Variants in TAF5L observed in about 807,000 individuals in gnomAD.
The protein encoded by TAF5L is TAF5-like RNA polymerase II p300/CBP-associated factor-associated factor 65 kDa subunit 5L.
Under a neutral mutation model 51.3 loss-of-function variants are expected in TAF5L, and 7 were observed. The observed-to-expected ratio is 0.14, with a 90% CI of 0.08 to 0.26. The LOEUF (loss-of-function observed/expected upper bound fraction) is 0.26. Ranked by LOEUF, TAF5L falls within the 10% of genes least tolerant of loss-of-function variation. TAF5L has a pLI of 1.00. For synonymous variants in TAF5L, 291 were observed against 308.1 expected, an observed-to-expected ratio of 0.94 and a Z score of 0.58; for missense variants, 575 against 758.9, an observed-to-expected ratio of 0.76 and a Z score of 2.85.
At chr1:229,623,404 C>G (rs1292463586) in intron 1 of TAF5L, among the ~76,000 whole-genome samples, 2 of 152,204 alleles carry the variant, frequency 1.3e-5, no homozygotes, top group East Asian at 3.8e-4. Flanking sequence ...TGGACCAATC[C>G]TTGGTTCTTC....
intron 3 of TAF5L, chr1:229,607,980 T>C (rs1468029771): frequency 6.6e-6 from 1 of 152,148 alleles, no homozygotes; most frequent in African/African-American, 2.4e-5. Flanking sequence ...AGTTCAGAAA[T>C]AAAGTAAGAA....
At position 229,602,690 on chromosome 1, in the gene TAF5L, T is replaced by A. The variant is rs1165899838; in HGVS notation, c.477A>T (p.Leu159=). 5 of 1,614,036 alleles carry A rather than the reference T, an allele frequency of 3.1e-6. No individual in the cohort carries two copies. Among genetic ancestry groups the A allele is most frequent in the Non-Finnish European group, 4.2e-6 (5 of 1,180,026 alleles). ...GGAGACGGACCACGTACTTGTTATCTAGGAATGCTCGAAGCTTGAAGTTAG... is the reference window on the plus strand; with the variant it reads ...GGAGACGGACCACGTACTTGTTATCAAGGAATGCTCGAAGCTTGAAGTTAG... The change falls in exon 4 of 5, where the codon CTA becomes CTT. Residue 159 remains leucine (L), a synonymous_variant. Coordinates refer to ENST00000258281, the Ensembl canonical transcript of TAF5L. The surrounding 1 kb of genome is among the most constrained non-coding windows in gnomAD (Gnocchi z 4.6).
Position 229,594,285 on chromosome 1 carries a change from A to G in TAF5L, c.*12T>C, listed in dbSNP as rs1292567105. The G allele has an allele frequency of 2.5e-6, 4 of 1,600,522 alleles. No individual in the cohort carries two copies. The highest frequency in any genetic ancestry group is 2.2e-5 in the East Asian group (1 of 44,596). The stretch of plus-strand genomic sequence containing the variant: ...CACTGTTACCCCAGTCCGTTCCAAC[A>G]AAGTTAAAAAATTAATGTTCCTGAT... On this transcript the variant is annotated 3_prime_UTR_variant, in exon 5 of 5. Transcript: ENST00000258281. This position sits in a 1 kb window ranked among gnomAD's most constrained non-coding sequence, Gnocchi z 7.9.
At position 229,625,961 on chromosome 1, in the gene TAF5L, T is replaced by G. The variant is rs1384285043; in HGVS notation, c.-80A>C. ...GGGTTGCTTCCGCCTCCGTCGTCTC[T>G]GCCGCAGGGTCTCACTCCGACGGCC... is the stretch of plus-strand genomic sequence containing the variant. On this transcript the variant is annotated 5_prime_UTR_variant, in exon 1 of 5. Coordinates refer to ENST00000258281, the Ensembl canonical transcript of TAF5L. This position sits in a 1 kb window ranked among gnomAD's most constrained non-coding sequence, Gnocchi z 4.0. 1 of 143,256 alleles carries G rather than the reference T, an allele frequency of 7.0e-6. No individual in the cohort carries two copies. The highest frequency in any genetic ancestry group is 6.9e-5 in the Admixed American group (1 of 14,594). The allele number at this position is 143,256 out of a possible 1,614,324, so 8.9% of individuals were successfully genotyped here.
Position 229,594,954 on chromosome 1 carries a change from C to T in TAF5L, c.1113G>A (p.Leu371=), listed in dbSNP as rs777069456. Residue 371 remains leucine, a synonymous_variant, in exon 5 of 5, where the codon CTG becomes CTA. Transcript: ENST00000258281. This position sits in a 1 kb window ranked among gnomAD's most constrained non-coding sequence, Gnocchi z 7.9. ...ACAACACAGTGTTGGTGAAACTCCC[C>T]AGATCCCAGTATCTGATGGACATGT... 1 of 1,614,194 alleles carries T rather than the reference C, an allele frequency of 6.2e-7. No homozygotes were observed. Among genetic ancestry groups the T allele is most frequent in the Non-Finnish European group, 8.5e-7 (1 of 1,180,046 alleles).
At chr1:229,598,535 G>A (rs1253080051) in intron 4 of TAF5L, among the ~76,000 whole-genome samples, 2 of 152,160 alleles carry the variant, frequency 1.3e-5, no homozygotes, top group Admixed American at 1.3e-4. Flanking sequence ...CTGAGTTAAG[G>A]AGGCGGGTGC....
chr1:229,613,418 C>T (rs6691484), intron 2 of TAF5L, among the ~76,000 whole-genome samples: 1,912 of 151,658 alleles, frequency 0.013, 39 homozygotes, highest in African/African-American at 0.044. Flanking sequence ...CACAAAATAG[C>T]TAACAATTAC....
At chr1:229,611,298 C>A (rs539464403) in intron 2 of TAF5L, among the ~76,000 whole-genome samples, 2 of 152,238 alleles carry the variant, frequency 1.3e-5, no homozygotes, top group Admixed American at 1.3e-4. Context: ...AAAACAAAAA[C>A]CATTCTCCTC....
chr1:229,625,460 A>G lies in TAF5L; in HGVS notation c.-4+425T>C, dbSNP rs1251104537. On this transcript the variant is annotated intron_variant, in intron 1 of 4. Transcript: ENST00000258281. This position sits in a 1 kb window ranked among gnomAD's most constrained non-coding sequence, Gnocchi z 4.0. ...CAAAGTTGAATCCCGACTTCGCCGC[A>G]AAGACATTTCCTTTTCCCCTACATG... 6.6e-6 allele frequency among the ~76,000 whole-genome samples: 1 copy of G among 152,130 alleles called. No homozygotes were observed. Among genetic ancestry groups the G allele is most frequent in the Non-Finnish European group, 1.5e-5 (1 of 68,026 alleles).
chr1:229,614,274 C>A (rs761700337), intron 2 of TAF5L, 67 bp downstream of exon 2: 3 of 1,613,744 alleles, frequency 1.9e-6, no homozygotes, highest in Admixed American at 3.3e-5. Flanking sequence ...AGAAGTAATT[C>A]CACATGGATA....
intron 1 of TAF5L, among the ~76,000 whole-genome samples, chr1:229,616,912 G>A (rs1376255389): frequency 6.6e-6 from 1 of 152,126 alleles, no homozygotes; most frequent in Non-Finnish European, 1.5e-5. Flanking sequence ...AGGGGTACTA[G>A]GTGTGTGATT....
At position 229,602,529 on chromosome 1, in the gene TAF5L, C is replaced by G; in HGVS notation, c.638G>C (p.Gly213Ala). 1 of 1,614,156 alleles carries G rather than the reference C, an allele frequency of 6.2e-7. No homozygotes were observed. Among genetic ancestry groups the G allele is most frequent in the Non-Finnish European group, 8.5e-7 (1 of 1,180,022 alleles). Residue 213 changes from glycine to alanine, a missense_variant, in exon 4 of 5, where the codon GGC (glycine) becomes GCC (alanine). Gly to Ala is a moderately conservative substitution (Grantham distance 60). Coordinates refer to ENST00000258281, the Ensembl canonical transcript of TAF5L. The surrounding 1 kb of genome is among the most constrained non-coding windows in gnomAD (Gnocchi z 4.6). Reference sequence around the variant, plus strand: ...GTTGTTCTCACTGCGGGAGGAGCTGCCACTGGCATACAGCTGATAGTCTGT... The same window carrying G: ...GTTGTTCTCACTGCGGGAGGAGCTGGCACTGGCATACAGCTGATAGTCTGT...
intron 4 of TAF5L, among the ~76,000 whole-genome samples, chr1:229,598,688 CTCT>C (rs769217670): frequency 7.8e-6 from 1 of 128,422 alleles, no homozygotes. Flanking sequence ...GGTTGGATAT[CTCT>C]TTTTTTTTTT....
At position 229,625,044 on chromosome 1, in the gene TAF5L, G is replaced by C. The variant is rs1665383940; in HGVS notation, c.-4+841C>G. 6.6e-6 allele frequency among the ~76,000 whole-genome samples: 1 copy of C among 152,180 alleles called. No individual in the cohort carries two copies. Reference sequence around the variant, plus strand: ...GTAATTTAAGACAGACACTGCATGGGACTGGCACTTACCTTCTGATCCCAG... The same window carrying C: ...GTAATTTAAGACAGACACTGCATGGCACTGGCACTTACCTTCTGATCCCAG... On this transcript the variant is annotated intron_variant, in intron 1 of 4. Transcript: ENST00000258281. The surrounding 1 kb of genome is among the most constrained non-coding windows in gnomAD (Gnocchi z 4.0).
chr1:229,598,940 AC>A (rs941382572), intron 4 of TAF5L, among the ~76,000 whole-genome samples: 3 of 152,006 alleles, frequency 2.0e-5, no homozygotes, highest in African/African-American at 7.3e-5. Flanking sequence ...CTTGTGATCC[AC>A]CTGCCTCGGC....
chr1:229,617,835 C>A (rs974079521), intron 1 of TAF5L, among the ~76,000 whole-genome samples: 8 of 152,064 alleles, frequency 5.3e-5, no homozygotes, highest in African/African-American at 1.7e-4. Flanking sequence ...AATTAGCTGC[C>A]CCAAATAGCA....
At chr1:229,601,937 G>C (rs1056646754) in intron 4 of TAF5L, 1 of 1,264,298 alleles carries the variant, frequency 7.9e-7, no homozygotes, top group East Asian at 3.7e-5. Context: ...ATTAGGCTTA[G>C]TGTTGCTATC....
chr1:229,625,935 C>T lies in TAF5L; in HGVS notation c.-54G>A, dbSNP rs1287350349. ...CCCCCGCCGCCGCCGCCTCCGGGAT[C>T]GGGTTGCTTCCGCCTCCGTCGTCTC... On this transcript the variant is annotated 5_prime_UTR_variant, in exon 1 of 5. Transcript: ENST00000258281. This position sits in a 1 kb window ranked among gnomAD's most constrained non-coding sequence, Gnocchi z 4.0. 6.8e-6 allele frequency: 1 copy of T among 147,828 alleles called. No individual in the cohort carries two copies. The highest frequency in any genetic ancestry group is 2.5e-5 in the African/African-American group (1 of 40,430). The allele number at this position is 147,828 out of a possible 1,614,324, so 9.2% of individuals were successfully genotyped here.
intron 4 of TAF5L, chr1:229,599,184 T>C: frequency 1.2e-6 from 1 of 822,976 alleles, no homozygotes; most frequent in Non-Finnish European, 1.5e-6. Flanking sequence ...CAACAGAAGC[T>C]ACAGGACAGT....
Sources: allele counts gnomAD v4.1 joint callset (sites outside exome capture counted in the v4.1 genomes callset), GRCh38; gene constraint gnomAD v4.1.1; non-coding constraint Gnocchi (gnomAD v3.1); transcripts MANE v1.5; gene names NCBI Gene and HGNC (gene_info 2026-07-23, HGNC 2026-07-21).